KCNK13: variants seen among roughly 807,000 people sequenced by gnomAD.
The protein encoded by KCNK13 is potassium channel subfamily K member 13.
KCNK13 carries 12 observed loss-of-function variants against 23.4 expected under a neutral mutation model. The observed-to-expected ratio is 0.51, with a 90% confidence interval of 0.33 to 0.83. The LOEUF (loss-of-function observed/expected upper bound fraction) is 0.83, where lower values mean the gene tolerates loss of function less well. Ranked by LOEUF, KCNK13 falls within the 40% of genes least tolerant of loss-of-function variation. The probability of loss-of-function intolerance (pLI) is 0.02; values close to 1 mark genes in which losing one functional copy is unlikely to be tolerated. For missense variants in KCNK13, 463 were observed against 556.3 expected, an observed-to-expected ratio of 0.83 and a Z score of 1.69; for synonymous variants, 231 against 229.5, an observed-to-expected ratio of 1.01 and a Z score of -0.06.
intron 1 of KCNK13, among the ~76,000 whole-genome samples, chr14:90,169,578 C>T (rs1566651018): frequency 6.6e-6 from 1 of 152,206 alleles, no homozygotes; most frequent in Non-Finnish European, 1.5e-5. Context: ...CCCTGCCCCT[C>T]ATATGGTAAA....
chr14:90,103,354 A>G (rs999614736), intron 1 of KCNK13, among the ~76,000 whole-genome samples: 5 of 152,182 alleles, frequency 3.3e-5, no homozygotes, highest in African/African-American at 1.2e-4. Flanking sequence ...GAAATCTCCA[A>G]ACTGCTTTCC....
chr14:90,067,473 T>A (rs1368523737), intron 1 of KCNK13, among the ~76,000 whole-genome samples: 1 of 152,022 alleles, frequency 6.6e-6, no homozygotes, highest in Non-Finnish European at 1.5e-5. Flanking sequence ...GAAGTGGGAG[T>A]TATTGTTTAA....
At chr14:90,068,018 T>C (rs1046855649) in intron 1 of KCNK13, among the ~76,000 whole-genome samples, 1 of 152,168 alleles carries the variant, frequency 6.6e-6, no homozygotes, top group African/African-American at 2.4e-5. Context: ...CGGGCGGTTG[T>C]CTCTGTGTTG....
chr14:90,119,945 A>G (rs1476405382), intron 1 of KCNK13, among the ~76,000 whole-genome samples: 3 of 152,262 alleles, frequency 2.0e-5, no homozygotes, highest in East Asian at 1.9e-4. Context: ...TCAGGGGTAC[A>G]TGTGCAGGTT....
At chr14:90,160,006 A>T (rs1004469003) in intron 1 of KCNK13, among the ~76,000 whole-genome samples, 1 of 151,920 alleles carries the variant, frequency 6.6e-6, no homozygotes, top group African/African-American at 2.4e-5. Context: ...GGGTTGCAGG[A>T]CAAGCCTCTG....
intron 1 of KCNK13, among the ~76,000 whole-genome samples, chr14:90,165,908 T>A (rs570089212): frequency 3.5e-4 from 54 of 152,322 alleles, no homozygotes; most frequent in Non-Finnish European, 5.6e-4. Flanking sequence ...ATGAAACGTT[T>A]TGAATTCCTC....
intron 1 of KCNK13, among the ~76,000 whole-genome samples, chr14:90,127,252 G>GA (rs567054003): frequency 7.1e-4 from 107 of 151,604 alleles, no homozygotes; most frequent in African/African-American, 2.5e-3. Context: ...TTTAAAAAAT[G>GA]AAAAAAAAGT....
At chr14:90,109,039 T>C (rs1462053220) in intron 1 of KCNK13, among the ~76,000 whole-genome samples, 2 of 151,938 alleles carry the variant, frequency 1.3e-5, no homozygotes, top group Non-Finnish European at 2.9e-5. Flanking sequence ...TAGCCGGGCA[T>C]GGTGGCAGGC....
chr14:90,142,832 G>T (rs1049662836), intron 1 of KCNK13, among the ~76,000 whole-genome samples: 2 of 152,196 alleles, frequency 1.3e-5, no homozygotes, highest in African/African-American at 4.8e-5. Context: ...AACAAGGTTG[G>T]TTAGGACTTG....
chr14:90,078,419 A>G (rs200550739), intron 1 of KCNK13, among the ~76,000 whole-genome samples: 2 of 147,386 alleles, frequency 1.4e-5, no homozygotes, highest in South Asian at 2.1e-4. Context: ...GACAGTCTCA[A>G]AAAAAAAAAA....
chr14:90,175,245 A>C (rs1041821058), intron 1 of KCNK13, among the ~76,000 whole-genome samples: 1 of 152,184 alleles, frequency 6.6e-6, no homozygotes. Flanking sequence ...CCCCTGAAGG[A>C]ACTCAAGATT....
At chr14:90,124,852 T>G (rs544403568) in intron 1 of KCNK13, among the ~76,000 whole-genome samples, 2 of 152,286 alleles carry the variant, frequency 1.3e-5, no homozygotes, top group African/African-American at 4.8e-5. Flanking sequence ...AAAAATACAA[T>G]AAGAAGACAA....
chr14:90,143,780 G>A (rs892339328), intron 1 of KCNK13, among the ~76,000 whole-genome samples: 9 of 152,154 alleles, frequency 5.9e-5, no homozygotes, highest in Middle Eastern at 3.2e-3. Context: ...AAACAGAAGC[G>A]AGGCAGAGAA....
At chr14:90,116,333 C>T (rs1596784863) in intron 1 of KCNK13, among the ~76,000 whole-genome samples, 3 of 152,268 alleles carry the variant, frequency 2.0e-5, no homozygotes, top group African/African-American at 4.8e-5. Context: ...GCAATTTGCT[C>T]ATAAATATTC....
intron 1 of KCNK13, among the ~76,000 whole-genome samples, chr14:90,167,707 G>T (rs911302076): frequency 1.3e-5 from 2 of 152,144 alleles, no homozygotes; most frequent in African/African-American, 4.8e-5. Flanking sequence ...GCCGAAAGCT[G>T]GTTCGGAAGT....
intron 1 of KCNK13, among the ~76,000 whole-genome samples, chr14:90,079,403 A>T (rs1047877083): frequency 6.6e-6 from 1 of 152,140 alleles, no homozygotes; most frequent in African/African-American, 2.4e-5. Flanking sequence ...AGCATAAATT[A>T]CACCTTAGAA....
intron 1 of KCNK13, among the ~76,000 whole-genome samples, chr14:90,082,719 AT>A (rs1889227990): frequency 6.6e-6 from 1 of 152,236 alleles, no homozygotes; most frequent in Non-Finnish European, 1.5e-5. Context: ...ACTATGAATA[AT>A]ACCATACAAT....
chr14:90,150,067 C>T (rs1039798233), intron 1 of KCNK13, among the ~76,000 whole-genome samples: 6 of 152,108 alleles, frequency 3.9e-5, no homozygotes, highest in East Asian at 1.9e-4. Context: ...GATACATAAG[C>T]GCTCAGAAGA....
intron 1 of KCNK13, among the ~76,000 whole-genome samples, chr14:90,150,015 G>C (rs180974780): frequency 6.7e-6 from 1 of 150,358 alleles, no homozygotes; most frequent in Non-Finnish European, 1.5e-5. Flanking sequence ...ACAGTACAGA[G>C]CTATGGCTAC....
Sources: allele counts gnomAD v4.1 joint callset (sites outside exome capture counted in the v4.1 genomes callset), GRCh38; gene constraint gnomAD v4.1.1; transcripts MANE v1.5; gene names NCBI Gene and HGNC (gene_info 2026-07-23, HGNC 2026-07-21).